PHF11: variants seen among roughly 807,000 people sequenced by gnomAD.
PHF11 encodes the protein BRCA1 C-terminus-associated protein.
PHF11 carries 38 observed loss-of-function variants against 40.5 expected under a neutral mutation model. The observed-to-expected ratio is 0.94, with a 90% CI of 0.72 to 1.23. PHF11 has a LOEUF of 1.23. Among genes scored for constraint, PHF11 ranks in the 50% most tolerant of loss-of-function variants. The probability of loss-of-function intolerance (pLI) is 0.00; values close to 1 mark genes in which losing one functional copy is unlikely to be tolerated. For synonymous variants in PHF11, 127 were observed against 138.2 expected (o/e 0.92, Z 0.57); for missense variants, 369 against 392.4 (o/e 0.94, Z 0.50).
At chr13:49,528,199 A>T (rs930728605) in intron 9 of PHF11, among the ~76,000 whole-genome samples, 4 of 152,228 alleles carry the variant, frequency 2.6e-5, no homozygotes, top group African/African-American at 9.6e-5. Context: ...TATAGCATGA[A>T]GGTTATACAG....
At chr13:49,507,625 A>G (rs1959021329) in intron 2 of PHF11, among the ~76,000 whole-genome samples, 1 of 152,240 alleles carries the variant, frequency 6.6e-6, no homozygotes, top group African/African-American at 2.4e-5. Flanking sequence ...CTTACCAAAC[A>G]TCATAGCTTA....
chr13:49,522,286 C>G (rs1435570167), intron 6 of PHF11, among the ~76,000 whole-genome samples, 179 bp downstream of exon 6: 1 of 152,162 alleles, frequency 6.6e-6, no homozygotes, highest in African/African-American at 2.4e-5. Flanking sequence ...TAGGAAGAAT[C>G]CCATAGTCGG....
intron 7 of PHF11, chr13:49,523,500 TG>T (rs1049777627): frequency 3.2e-5 from 15 of 473,476 alleles, no homozygotes; most frequent in Non-Finnish European, 5.6e-5. Flanking sequence ...CAGGCTTGCC[TG>T]AGCTCAGAAT....
At position 49,523,155 on chromosome 13, in the gene PHF11, A is replaced by T. The variant is rs1330301546; in HGVS notation, c.571-20A>T. On this transcript the variant is annotated intron_variant, in intron 6 of 9. Coordinates refer to ENST00000378319, the MANE Select transcript of PHF11 (RefSeq NM_001040443.3). ...GCAATATTAAAATCAATGTAATGCA[A>T]TCTTGATTTTCTCTCCTAGCCACCC... is the stretch of plus-strand genomic sequence containing the variant. The T allele has an allele frequency of 6.6e-7, 1 of 1,522,022 alleles. No homozygotes were observed. The highest frequency in any genetic ancestry group is 1.4e-5 in the African/African-American group (1 of 73,154). 94.3% of individuals were successfully genotyped at this position (1,522,022 alleles called of 1,614,324 possible).
At chr13:49,511,608 G>A (rs913999342) in intron 2 of PHF11, among the ~76,000 whole-genome samples, 2 of 152,254 alleles carry the variant, frequency 1.3e-5, no homozygotes, top group Admixed American at 1.3e-4. Context: ...GATTACAGGC[G>A]TGAGCCACCG....
At chr13:49,515,333 A>C (rs536999878) in intron 3 of PHF11, among the ~76,000 whole-genome samples, 2 of 152,156 alleles carry the variant, frequency 1.3e-5, no homozygotes, top group African/African-American at 4.8e-5. Context: ...GAGGGTGAGC[A>C]GCAGGGGCCC....
chr13:49,499,130 C>T (rs993317226), intron 1 of PHF11, among the ~76,000 whole-genome samples: 6 of 152,358 alleles, frequency 3.9e-5, no homozygotes, highest in African/African-American at 1.2e-4. Context: ...TTGTTCTTCT[C>T]TTTCTCTGGT....
chr13:49,510,787 A>T (rs1383632048), intron 2 of PHF11, among the ~76,000 whole-genome samples: 2 of 152,112 alleles, frequency 1.3e-5, no homozygotes, highest in Non-Finnish European at 2.9e-5. Context: ...TGATGTTTTT[A>T]TTCTAATATA....
intron 9 of PHF11, among the ~76,000 whole-genome samples, chr13:49,527,782 C>T (rs897810865): frequency 2.0e-5 from 3 of 151,892 alleles, no homozygotes; most frequent in Non-Finnish European, 4.4e-5. Flanking sequence ...TGTAGTATGG[C>T]GGGGGTGCCA....
intron 1 of PHF11, among the ~76,000 whole-genome samples, chr13:49,500,612 A>T (rs1412717603): frequency 6.6e-6 from 1 of 152,216 alleles, no homozygotes; most frequent in African/African-American, 2.4e-5. Context: ...GCCGAAATCC[A>T]TTAAGACACT....
At chr13:49,524,284 A>C in intron 8 of PHF11, 68 bp downstream of exon 8, 5 of 1,230,558 alleles carry the variant, frequency 4.1e-6, no homozygotes, top group Middle Eastern at 2.8e-4. Context: ...AACAAAACAA[A>C]CCCAAGAAAA....
intron 2 of PHF11, among the ~76,000 whole-genome samples, 199 bp downstream of exon 2, chr13:49,506,955 G>A (rs1959006538): frequency 7.2e-6 from 1 of 139,378 alleles, no homozygotes; most frequent in East Asian, 2.2e-4. Context: ...CCAGGCTGGA[G>A]TGTGGTGGCG....
chr13:49,520,279 C>T (rs1179730058), intron 4 of PHF11, among the ~76,000 whole-genome samples: 1 of 152,138 alleles, frequency 6.6e-6, no homozygotes, highest in Non-Finnish European at 1.5e-5. Context: ...CATCTCTTGA[C>T]CTCGTGATCT....
intron 8 of PHF11, chr13:49,526,001 T>C: frequency 3.1e-6 from 1 of 324,322 alleles, no homozygotes; most frequent in Non-Finnish European, 6.0e-6. Context: ...AAACCCTGTC[T>C]CTACTAAAAA....
chr13:49,528,251 T>C (rs1324177760), intron 9 of PHF11, among the ~76,000 whole-genome samples: 1 of 152,218 alleles, frequency 6.6e-6, no homozygotes, highest in Non-Finnish European at 1.5e-5. Context: ...AGGGACTTGT[T>C]CTGCTATAAA....
chr13:49,501,422 A>G (rs1172240160), intron 1 of PHF11, among the ~76,000 whole-genome samples: 1 of 152,216 alleles, frequency 6.6e-6, no homozygotes, highest in Non-Finnish European at 1.5e-5. Context: ...TGAGGTAATT[A>G]GAATATTGGG....
At chr13:49,528,259 A>T (rs1959397086) in intron 9 of PHF11, among the ~76,000 whole-genome samples, 1 of 152,204 alleles carries the variant, frequency 6.6e-6, no homozygotes, top group Non-Finnish European at 1.5e-5. Flanking sequence ...GTTCTGCTAT[A>T]AATGTGCACA....
chr13:49,496,415 G>T (rs1367888969), intron 1 of PHF11: 2 of 1,095,322 alleles, frequency 1.8e-6, no homozygotes, highest in East Asian at 5.3e-5. Flanking sequence ...CACCACAACC[G>T]ATGTCAACTC....
At chr13:49,501,018 T>TTTTTTTTTTTTTTTTTTTG (rs1958898871) in intron 1 of PHF11, among the ~76,000 whole-genome samples, 1 of 42,192 alleles carries the variant, frequency 2.4e-5, no homozygotes, top group African/African-American at 1.7e-4. Context: ...TTTTTTTTGG[T>TTTTTTTTTTTTTTTTTTTG]TTTTTTTTTT....
Sources: gnomAD v4.1 joint callset for allele counts (sites outside exome capture counted in the v4.1 genomes callset) on GRCh38, gnomAD v4.1.1 for gene constraint, MANE v1.5 for transcripts, NCBI Gene and HGNC (gene_info 2026-07-23, HGNC 2026-07-21) for gene names.